SYT17: variants seen among roughly 807,000 people sequenced by gnomAD.
SYT17 encodes synaptotagmin-17.
Under a neutral mutation model 46.7 loss-of-function variants are expected in SYT17, and 22 were observed. The ratio of observed to expected loss-of-function variants is 0.47; its 90% CI spans 0.34 to 0.67. The LOEUF (loss-of-function observed/expected upper bound fraction) is 0.67. Among genes scored for constraint, SYT17 ranks in the 30% least tolerant of loss-of-function variants. The pLI is 0.01. For missense variants in SYT17, 519 were observed against 612.8 expected, an observed-to-expected ratio of 0.85 and a Z score of 1.62; for synonymous variants, 251 against 248.4, an observed-to-expected ratio of 1.01 and a Z score of -0.10.
intron 7 of SYT17, among the ~76,000 whole-genome samples, chr16:19,234,578 T>C (rs547614832): frequency 1.3e-5 from 2 of 152,292 alleles, no homozygotes; most frequent in Non-Finnish European, 1.5e-5. Context: ...ATGATGATAA[T>C]TGATGGACCC....
chr16:19,182,364 G>A (rs887234477), intron 4 of SYT17, among the ~76,000 whole-genome samples: 2 of 152,158 alleles, frequency 1.3e-5, no homozygotes, highest in Non-Finnish European at 2.9e-5. Flanking sequence ...GCAGTGAGCC[G>A]AGATCCGCCA....
At chr16:19,178,766 T>C (rs1964425306) in intron 3 of SYT17, among the ~76,000 whole-genome samples, 1 of 152,144 alleles carries the variant, frequency 6.6e-6, no homozygotes, top group African/African-American at 2.4e-5. Context: ...CATTATGGCT[T>C]AGGGGCATGT....
intron 1 of SYT17, chr16:19,171,684 C>T (rs996176691): frequency 3.9e-5 from 6 of 152,170 alleles, no homozygotes; most frequent in African/African-American, 1.4e-4. Context: ...TTTATTTTTA[C>T]TTTAAAAAAA....
chr16:19,217,588 TTATC>T (rs1367922896), intron 5 of SYT17, among the ~76,000 whole-genome samples: 1 of 152,228 alleles, frequency 6.6e-6, no homozygotes, highest in Non-Finnish European at 1.5e-5. Flanking sequence ...GATGTTTTGT[TTATC>T]TATCTGTTGA....
chr16:19,192,985 A>T (rs775001751), intron 5 of SYT17, among the ~76,000 whole-genome samples: 2 of 152,162 alleles, frequency 1.3e-5, no homozygotes, highest in African/African-American at 2.4e-5. Context: ...ATGTAGGTAA[A>T]CTCTGGACCT....
At position 19,173,516 on chromosome 16, in the gene SYT17, C is replaced by T. The variant is rs141732729; in HGVS notation, c.120C>T (p.Cys40=). 118 of 1,613,702 alleles carry T rather than the reference C, an allele frequency of 7.3e-5. No individual in the cohort carries two copies. The African/African-American group carries it at 1.3e-3, about 17-fold the overall frequency. Residue 40 remains cysteine (C), a synonymous_variant, in exon 3 of 8, where the codon TGC becomes TGT. Coordinates refer to ENST00000355377, the MANE Select transcript of SYT17 (RefSeq NM_016524.4). Reference sequence around the variant, plus strand: ...AGAAGTGCTACGAGTCCAGCTGTTGCCAGTCAAGTGAGGATGAAGTTGAAA... The same window carrying T: ...AGAAGTGCTACGAGTCCAGCTGTTGTCAGTCAAGTGAGGATGAAGTTGAAA... ...CCQKCYESSC[C]QSSEDEVEIL... is the part of the protein sequence containing the mutation.
chr16:19,267,094 G>T lies in SYT17; in HGVS notation c.*18G>T. ...TGACCTGAGGGCTGCAGGGAAGGCA[G>T]CTTTCATTTGTTTAAAAAAAAAAAA... is the stretch of plus-strand genomic sequence containing the variant. On this transcript the variant is annotated 3_prime_UTR_variant, in exon 8 of 8. Coordinates refer to ENST00000355377, the MANE Select transcript of SYT17 (RefSeq NM_016524.4). 3 of 1,398,266 alleles carry T rather than the reference G, an allele frequency of 2.1e-6. No homozygotes were observed. The highest frequency in any genetic ancestry group is 2.8e-6 in the Non-Finnish European group (3 of 1,067,202). 86.6% of individuals were successfully genotyped at this position (1,398,266 alleles called of 1,614,324 possible).
intron 5 of SYT17, among the ~76,000 whole-genome samples, chr16:19,210,357 G>A (rs905158776): frequency 6.6e-6 from 1 of 152,012 alleles, no homozygotes; most frequent in African/African-American, 2.4e-5. Context: ...GTGAGTCACC[G>A]TGCCCAGCCC....
chr16:19,210,766 G>A (rs868690586), intron 5 of SYT17, among the ~76,000 whole-genome samples: 13 of 152,104 alleles, frequency 8.5e-5, no homozygotes, highest in Non-Finnish European at 1.8e-4. Flanking sequence ...TTATCCAACC[G>A]GTGAGAGCAA....
Position 19,209,035 on chromosome 16 carries a change from T to A in SYT17, c.952-14010T>A, listed in dbSNP as rs1041111184. Among the ~76,000 whole-genome samples, 5 of 151,764 alleles carry A rather than the reference T, an allele frequency of 3.3e-5. No homozygotes were observed. In the East Asian group the frequency reaches 9.7e-4, roughly 29 times the overall value. The stretch of plus-strand genomic sequence containing the variant: ...GACACCCACCACCACACCTGCCTAA[T>A]TTTTTGTATTTTTAGTAGAGATGGA... On this transcript the variant is annotated intron_variant, in intron 5 of 7. Coordinates refer to ENST00000355377, the MANE Select transcript of SYT17 (RefSeq NM_016524.4).
At chr16:19,229,128 CA>C (rs1966594398) in intron 7 of SYT17, among the ~76,000 whole-genome samples, 1 of 152,164 alleles carries the variant, frequency 6.6e-6, no homozygotes. Flanking sequence ...TTTACTGAAC[CA>C]AAGTAAAGTG....
intron 5 of SYT17, among the ~76,000 whole-genome samples, chr16:19,200,802 G>A (rs548620848): frequency 6.4e-4 from 97 of 152,344 alleles, no homozygotes; most frequent in African/African-American, 1.6e-3. Flanking sequence ...AGAGAAAGAA[G>A]AGAAGAGGAG....
intron 5 of SYT17, among the ~76,000 whole-genome samples, chr16:19,189,332 A>G (rs939893968): frequency 7.0e-6 from 1 of 142,730 alleles, no homozygotes; most frequent in Non-Finnish European, 1.5e-5. Flanking sequence ...TAGGACCTCA[A>G]CCTGTCTTTT....
rs192274840 is a variant in SYT17 at position 19,230,444 on chromosome 16, G to A, written c.1228+5606G>A. ...ATTCTGGAGATGGATGGTTGTGATG[G>A]TTACACAACACTGTGAATATACTTA... On this transcript the variant is annotated intron_variant, in intron 7 of 7. Transcript: ENST00000355377. 2.6e-5 allele frequency among the ~76,000 whole-genome samples: 4 copies of A among 152,018 alleles called. No homozygotes were observed. The East Asian group carries it at 7.7e-4, about 29-fold the overall frequency.
chr16:19,194,240 C>A (rs7190966), intron 5 of SYT17, among the ~76,000 whole-genome samples: 13,519 of 152,206 alleles, frequency 0.089, 751 homozygotes, highest in African/African-American at 0.16. Context: ...TCTCTCTGAG[C>A]TTTTGGGGGA....
chr16:19,265,059 T>C (rs1969269598), intron 7 of SYT17, among the ~76,000 whole-genome samples: 1 of 152,164 alleles, frequency 6.6e-6, no homozygotes, highest in African/African-American at 2.4e-5. Context: ...CTCATAATAG[T>C]ATCTTATTTT....
chr16:19,169,782 G>C (rs1196841163), intron 1 of SYT17: 1 of 152,240 alleles, frequency 6.6e-6, no homozygotes, highest in Admixed American at 6.5e-5. Context: ...ATGTTGTCCA[G>C]GGGCTATTGA....
At chr16:19,192,162 G>A (rs1017846712) in intron 5 of SYT17, among the ~76,000 whole-genome samples, 1 of 152,216 alleles carries the variant, frequency 6.6e-6, no homozygotes, top group Admixed American at 6.5e-5. Flanking sequence ...CCTCACATCT[G>A]TAATTCCAGC....
intron 5 of SYT17, among the ~76,000 whole-genome samples, chr16:19,189,421 G>C: frequency 6.7e-6 from 1 of 149,328 alleles, no homozygotes; most frequent in Non-Finnish European, 1.5e-5. Flanking sequence ...GCTCAATGCA[G>C]CCTTGAACTC....
Sources: allele counts gnomAD v4.1 joint callset (sites outside exome capture counted in the v4.1 genomes callset), GRCh38; gene constraint gnomAD v4.1.1; transcripts MANE v1.5; gene names NCBI Gene and HGNC (gene_info 2026-07-23, HGNC 2026-07-21).